Variants in NIPAL3 observed in about 807,000 individuals in gnomAD.
NIPAL3 encodes NIPA like domain containing 3.
Under a neutral mutation model 47.2 loss-of-function variants are expected in NIPAL3, and 41 were observed. That is an observed-to-expected ratio of 0.87 (90% CI 0.68 to 1.13). The LOEUF is 1.13. Ranked by LOEUF, NIPAL3 falls within the 50% of genes most tolerant of loss-of-function variation. NIPAL3 has a pLI of 0.00. For missense variants in NIPAL3, 449 were observed against 530.1 expected (o/e 0.85, Z 1.50); for synonymous variants, 194 against 209.6 (o/e 0.93, Z 0.64).
In NIPAL3 at chr1:24,460,462, C is replaced by T. The variant is rs781333868; in HGVS notation, c.863-19C>T. On this transcript the variant is annotated intron_variant, in intron 9 of 11. Transcript: ENST00000374399. Reference sequence around the variant, plus strand: ...TTTGAAAACAGCTCAGCGGTATTTTCTATGATTTGCTGCTGCAGGTGCAAT... The same window carrying T: ...TTTGAAAACAGCTCAGCGGTATTTTTTATGATTTGCTGCTGCAGGTGCAAT... The T allele has an allele frequency of 6.3e-7, 1 of 1,583,638 alleles. No homozygotes were observed. The highest frequency in any genetic ancestry group is 1.2e-5 in the South Asian group (1 of 85,874).
intron 2 of NIPAL3, among the ~76,000 whole-genome samples, chr1:24,422,291 G>C (rs1644370082): frequency 6.6e-6 from 1 of 152,104 alleles, no homozygotes; most frequent in Non-Finnish European, 1.5e-5. Context: ...GTTGGGAAGG[G>C]TATCAGACTG....
intron 2 of NIPAL3, among the ~76,000 whole-genome samples, chr1:24,423,616 C>T (rs951757072): frequency 2.0e-5 from 3 of 151,986 alleles, no homozygotes; most frequent in Non-Finnish European, 2.9e-5. Flanking sequence ...GGGGACAGAT[C>T]GAGACTCCGC....
chr1:24,428,518 G>C (rs2235555), intron 2 of NIPAL3, among the ~76,000 whole-genome samples: 3 of 151,928 alleles, frequency 2.0e-5, no homozygotes, highest in African/African-American at 4.8e-5. Flanking sequence ...GACCTGGCTG[G>C]GTTCCCCACT....
In NIPAL3 at chr1:24,472,151, G is replaced by A. The variant is rs905925595; in HGVS notation, c.*2966G>A. 1.4e-4 allele frequency: 21 copies of A among 152,076 alleles called. No homozygotes were observed. The highest frequency in any genetic ancestry group is 2.1e-4 in the Non-Finnish European group (14 of 68,048). The allele number at this position is 152,076 out of a possible 1,614,324, so 9.4% of individuals were successfully genotyped here. ...CACCCAGGAACTGCTGCTGAGGCCT[G>A]GGAAGCTCCCTTGCCTTCGGGTTTG... On this transcript the variant is annotated 3_prime_UTR_variant, in exon 12 of 12. Transcript: ENST00000374399.
intron 11 of NIPAL3, among the ~76,000 whole-genome samples, chr1:24,468,656 T>A (rs919760285): frequency 1.3e-5 from 2 of 152,190 alleles, no homozygotes; most frequent in Admixed American, 1.3e-4. Context: ...CATTGGCATC[T>A]ACCACGTTCA....
At chr1:24,441,565 AC>A (rs1645385167) in intron 3 of NIPAL3, among the ~76,000 whole-genome samples, 1 of 152,146 alleles carries the variant, frequency 6.6e-6, no homozygotes, top group African/African-American at 2.4e-5. Flanking sequence ...TACCCACACA[AC>A]TGCCCAGCGA....
chr1:24,428,930 C>G (rs1350346260), intron 2 of NIPAL3, among the ~76,000 whole-genome samples: 3 of 152,178 alleles, frequency 2.0e-5, no homozygotes, highest in Non-Finnish European at 4.4e-5. Context: ...TTCTGCAGCT[C>G]TGCACTTCCA....
chr1:24,447,642 A>G (rs1458984810), intron 5 of NIPAL3, among the ~76,000 whole-genome samples: 4 of 152,358 alleles, frequency 2.6e-5, no homozygotes, highest in Middle Eastern at 3.4e-3. Flanking sequence ...CTGAATTTCA[A>G]TAGTCTTAAT....
intron 5 of NIPAL3, among the ~76,000 whole-genome samples, chr1:24,446,069 C>T (rs112720768): frequency 1.4e-5 from 2 of 147,736 alleles, no homozygotes; most frequent in Non-Finnish European, 3.0e-5. Context: ...AGATTATAGT[C>T]GTGTGTGTGT....
At chr1:24,460,416 G>C (rs188976676) in intron 9 of NIPAL3, 65 bp from the exon 10 acceptor site, 1 of 1,356,474 alleles carries the variant, frequency 7.4e-7, no homozygotes, top group East Asian at 2.5e-5. Flanking sequence ...CCAAATCCTA[G>C]ACAGACTGGC....
intron 9 of NIPAL3, among the ~76,000 whole-genome samples, chr1:24,459,199 C>T (rs1646359450): frequency 6.6e-6 from 1 of 152,294 alleles, no homozygotes; most frequent in African/African-American, 2.4e-5. Flanking sequence ...GCCTCAGCTC[C>T]ACATTCATAA....
intron 2 of NIPAL3, among the ~76,000 whole-genome samples, chr1:24,425,890 T>C (rs529548494): frequency 1.3e-5 from 2 of 152,216 alleles, no homozygotes; most frequent in Non-Finnish European, 2.9e-5. Flanking sequence ...TTTTCATCCA[T>C]GAAGCCTTTG....
In NIPAL3 at chr1:24,440,237, C is replaced by T. The variant is rs763415257; in HGVS notation, c.159C>T (p.Leu53=). The part of the protein sequence containing the change: ...GHLVVSIALN[L]QKYCHIRLAG... The stretch of plus-strand genomic sequence containing the variant: ...TCGTGGTCAGCATTGCACTTAACCT[C>T]CAGGTAAGTTTCAGTTACCAGCACT... The change falls in exon 3 of 12, where the codon CTC becomes CTT. Residue 53 remains leucine, a synonymous_variant. Transcript: ENST00000374399. 1 of 1,590,390 alleles carries T rather than the reference C, an allele frequency of 6.3e-7. No individual in the cohort carries two copies. Among genetic ancestry groups the T allele is most frequent in the South Asian group, 1.1e-5 (1 of 87,696 alleles).
chr1:24,429,310 G>A (rs1452032256), intron 2 of NIPAL3, among the ~76,000 whole-genome samples: 1 of 151,088 alleles, frequency 6.6e-6, no homozygotes, highest in African/African-American at 2.4e-5. Context: ...TACTCAGGAG[G>A]CCGAGGCAGG....
chr1:24,450,514 A>C (rs1645886767), intron 6 of NIPAL3, among the ~76,000 whole-genome samples: 1 of 152,210 alleles, frequency 6.6e-6, no homozygotes, highest in Non-Finnish European at 1.5e-5. Context: ...CAACTGATTA[A>C]GGAAAACATC....
At chr1:24,446,736 G>A (rs1237547184) in intron 5 of NIPAL3, among the ~76,000 whole-genome samples, 3 of 152,116 alleles carry the variant, frequency 2.0e-5, no homozygotes, top group Non-Finnish European at 4.4e-5. Context: ...GAACATATGT[G>A]CACATGTATC....
chr1:24,450,110 G>A (rs1404409966), intron 6 of NIPAL3, among the ~76,000 whole-genome samples: 1 of 152,166 alleles, frequency 6.6e-6, no homozygotes, highest in Non-Finnish European at 1.5e-5. Flanking sequence ...AACTGCCACT[G>A]TGCCCCACAC....
chr1:24,458,804 T>A, intron 8 of NIPAL3, 84 bp from the exon 9 acceptor site: 1 of 1,080,520 alleles, frequency 9.3e-7, no homozygotes, highest in Non-Finnish European at 1.4e-6. Context: ...CATCTTCATA[T>A]TTCAAACCAA....
rs367732053 is a variant in NIPAL3 at position 24,447,111 on chromosome 1, C to A, written c.394+1867C>A. On this transcript the variant is annotated intron_variant, in intron 5 of 11. Transcript: ENST00000374399. ...CTGGCTGATGTGTAGGCCTTATGTG[C>A]CATACTGAGGAGTTGAGGAGTGACG... Among the ~76,000 whole-genome samples, 10 of 152,270 alleles carry A rather than the reference C, an allele frequency of 6.6e-5. No homozygotes were observed. In the South Asian group the frequency reaches 1.0e-3, roughly 16 times the overall value.
Sources: gnomAD v4.1 joint callset for allele counts (sites outside exome capture counted in the v4.1 genomes callset) on GRCh38, gnomAD v4.1.1 for gene constraint, MANE v1.5 for transcripts, NCBI Gene and HGNC (gene_info 2026-07-23, HGNC 2026-07-21) for gene names.